The following PPARGC1B variants were observed in gnomAD, a reference collection of about 807,000 sequenced individuals.
The protein encoded by PPARGC1B is PPARG coactivator 1 beta.
PPARGC1B carries 34 observed loss-of-function variants against 101.6 expected under a neutral mutation model. That is an observed-to-expected ratio of 0.33 (90% CI 0.25 to 0.45). The LOEUF (loss-of-function observed/expected upper bound fraction) is 0.45. PPARGC1B is among the 20% of genes least tolerant of loss of function. The probability of loss-of-function intolerance (pLI) is 1.00; values close to 1 mark genes in which losing one functional copy is unlikely to be tolerated. For synonymous variants in PPARGC1B, 548 were observed against 539.3 expected (o/e 1.02, Z -0.22); for missense variants, 1,234 against 1,317.6 (o/e 0.94, Z 0.98).
At chr5:149,799,542 G>A (rs187341308) in intron 1 of PPARGC1B, among the ~76,000 whole-genome samples, 9 of 152,256 alleles carry the variant, frequency 5.9e-5, no homozygotes, top group Admixed American at 5.2e-4. Flanking sequence ...TGAGGCTCCT[G>A]CTGATATGTA....
At chr5:149,803,801 G>A (rs541272643) in intron 1 of PPARGC1B, among the ~76,000 whole-genome samples, 12 of 152,266 alleles carry the variant, frequency 7.9e-5, no homozygotes, top group Admixed American at 6.5e-4. Flanking sequence ...CATTGTACTC[G>A]CCCAGTTCTT....
intron 1 of PPARGC1B, among the ~76,000 whole-genome samples, chr5:149,802,439 C>T (rs1757460527): frequency 6.6e-6 from 1 of 151,974 alleles, no homozygotes; most frequent in Non-Finnish European, 1.5e-5. Flanking sequence ...TCCTCCTTTC[C>T]CTCTGCTCCC....
At position 149,730,441 on chromosome 5, in the gene PPARGC1B, G is replaced by C; in HGVS notation, c.78+21G>C. ...CGCAGGTACGGCCGGCTGGGGCTGC[G>C]GGCCCGGGGCCAGGGGTGCTGAGCT... On this transcript the variant is annotated intron_variant, in intron 1 of 11. Coordinates refer to ENST00000309241, the MANE Select transcript of PPARGC1B (RefSeq NM_133263.4). This position sits in a 1 kb window ranked among gnomAD's most constrained non-coding sequence, Gnocchi z 4.0. 2 of 1,526,432 alleles carry C rather than the reference G, an allele frequency of 1.3e-6. No homozygotes were observed. Among genetic ancestry groups the C allele is most frequent in the Non-Finnish European group, 1.8e-6 (2 of 1,136,646 alleles). The allele number at this position is 1,526,432 out of a possible 1,614,324, so 94.6% of individuals were successfully genotyped here.
intron 1 of PPARGC1B, among the ~76,000 whole-genome samples, chr5:149,731,437 T>C (rs9986134): frequency 0.018 from 2,780 of 152,088 alleles, 83 homozygotes; most frequent in African/African-American, 0.063. Context: ...CTGCGGGTCA[T>C]TGGGAAGCTG....
intron 1 of PPARGC1B, among the ~76,000 whole-genome samples, chr5:149,792,332 T>G (rs188323706): frequency 1.2e-3 from 182 of 152,182 alleles, no homozygotes; most frequent in African/African-American, 4.2e-3. Context: ...TTTTCCTCCT[T>G]GGGGCCTCTG....
chr5:149,807,238 A>G (rs998225275), intron 1 of PPARGC1B, among the ~76,000 whole-genome samples: 12 of 152,098 alleles, frequency 7.9e-5, no homozygotes, highest in African/African-American at 2.9e-4. Context: ...CCATGTCATA[A>G]AACTATCAGC....
intron 1 of PPARGC1B, among the ~76,000 whole-genome samples, chr5:149,781,883 G>A (rs1756615420): frequency 6.6e-6 from 1 of 152,156 alleles, no homozygotes; most frequent in African/African-American, 2.4e-5. Context: ...ACAGGACTTG[G>A]CCTGTGAGGT....
Position 149,820,457 on chromosome 5 carries a change from C to T in PPARGC1B, c.103C>T (p.Leu35Phe), listed in dbSNP as rs1214034995. 3 of 1,614,024 alleles carry T rather than the reference C, an allele frequency of 1.9e-6. No individual in the cohort carries two copies. In the South Asian group the frequency reaches 3.3e-5, roughly 18 times the overall value. The change falls in exon 2 of 12, where the codon CTC becomes TTC. Residue 35 changes from leucine to phenylalanine, a missense_variant. Coordinates refer to ENST00000309241, the MANE Select transcript of PPARGC1B (RefSeq NM_133263.4). ...GGGTGGAGGGTCCGGGGAGGAGCAA[C>T]TCTATGCTGACTTTCCAGAACTTGA... is the stretch of plus-strand genomic sequence containing the variant. ...TQGGGSGEEQLYADFPELDLS... is the reference protein window; with the variant it reads ...TQGGGSGEEQFYADFPELDLS...
intron 1 of PPARGC1B, among the ~76,000 whole-genome samples, chr5:149,746,345 G>A (rs1755088754): frequency 6.6e-6 from 1 of 152,156 alleles, no homozygotes; most frequent in South Asian, 2.1e-4. Flanking sequence ...ATACAAGTGG[G>A]ATCACAGTAT....
At chr5:149,731,113 C>T (rs1475797500) in intron 1 of PPARGC1B, among the ~76,000 whole-genome samples, 2 of 152,158 alleles carry the variant, frequency 1.3e-5, no homozygotes, top group African/African-American at 4.8e-5. Context: ...CTGCGGTGCG[C>T]GGCCCCGGTG....
At chr5:149,822,122 T>G (rs969954548) in intron 2 of PPARGC1B, among the ~76,000 whole-genome samples, 2 of 152,176 alleles carry the variant, frequency 1.3e-5, no homozygotes, top group African/African-American at 4.8e-5. Context: ...CTTTGCTATA[T>G]TGTTCCTTTC....
intron 2 of PPARGC1B, among the ~76,000 whole-genome samples, chr5:149,825,339 A>C (rs539780115): frequency 1.3e-5 from 2 of 152,326 alleles, no homozygotes; most frequent in Non-Finnish European, 2.9e-5. Context: ...CAAAATGGAG[A>C]TCAGAATCGT....
At chr5:149,839,464 C>T (rs1487234048) in intron 8 of PPARGC1B, among the ~76,000 whole-genome samples, 3 of 152,156 alleles carry the variant, frequency 2.0e-5, no homozygotes, top group South Asian at 2.1e-4. Context: ...GGAGCCTGCT[C>T]GGGCTATGGG....
chr5:149,752,862 TAAAC>T lies in PPARGC1B; in HGVS notation c.78+22454_78+22457del, dbSNP rs1755369042. 2.6e-5 allele frequency among the ~76,000 whole-genome samples: 4 copies of T among 152,244 alleles called. No homozygotes were observed. The East Asian group carries it at 5.8e-4, about 22-fold the overall frequency. ...GAAGTCAGGAGTCAAGATGAAAACA[TAAAC>T]AAACAAACAAAAACATTATGCATGT... On this transcript the variant is annotated intron_variant, in intron 1 of 11. Transcript: ENST00000309241.
At chr5:149,809,691 A>T (rs1367270132) in intron 1 of PPARGC1B, among the ~76,000 whole-genome samples, 4 of 56,316 alleles carry the variant, frequency 7.1e-5, no homozygotes, top group African/African-American at 5.1e-4. Flanking sequence ...CTTTCTTAAA[A>T]AAAAAAAAAA....
At chr5:149,807,189 C>G (rs1231620677) in intron 1 of PPARGC1B, among the ~76,000 whole-genome samples, 2 of 151,540 alleles carry the variant, frequency 1.3e-5, no homozygotes, top group Non-Finnish European at 2.9e-5. Context: ...TAAAATTTAC[C>G]ATTTATAAAG....
At chr5:149,820,220 G>T (rs1045436068) in intron 1 of PPARGC1B, among the ~76,000 whole-genome samples, 2 of 152,194 alleles carry the variant, frequency 1.3e-5, no homozygotes, top group Non-Finnish European at 2.9e-5. Context: ...AGTGCAGAGG[G>T]GAGAGCAGCA....
Position 149,852,649 on chromosome 5 carries a change from C to G in PPARGC1B, c.*5091C>G, listed in dbSNP as rs991305139. 6.6e-6 allele frequency: 1 copy of G among 151,970 alleles called. No individual in the cohort carries two copies. The highest frequency in any genetic ancestry group is 1.5e-5 in the Non-Finnish European group (1 of 68,014). 9.4% of individuals were successfully genotyped at this position (151,970 alleles called of 1,614,324 possible). On this transcript the variant is annotated 3_prime_UTR_variant, in exon 12 of 12. Transcript: ENST00000309241. ...TTGTCCCCACTGGATAGCTGTTAAT[C>G]CGAATGTTGTGACCATTTGGCTGTT...
chr5:149,813,304 C>T (rs1366396206), intron 1 of PPARGC1B, among the ~76,000 whole-genome samples: 1 of 152,214 alleles, frequency 6.6e-6, no homozygotes, highest in Non-Finnish European at 1.5e-5. Flanking sequence ...AGGCACCAAG[C>T]TGGCAGTCGG....
Sources: gnomAD v4.1 joint callset for allele counts (sites outside exome capture counted in the v4.1 genomes callset) on GRCh38, gnomAD v4.1.1 for gene constraint, Gnocchi (gnomAD v3.1) non-coding constraint, MANE v1.5 for transcripts, NCBI Gene and HGNC (gene_info 2026-07-23, HGNC 2026-07-21) for gene names.